Variants in ARFGEF2 observed in about 807,000 individuals in gnomAD.
ARFGEF2 encodes ARF guanine nucleotide exchange factor 2.
Under a neutral mutation model 219.9 loss-of-function variants are expected in ARFGEF2, and 74 were observed. The observed-to-expected ratio is 0.34, with a 90% CI of 0.28 to 0.41. The LOEUF (loss-of-function observed/expected upper bound fraction) is 0.41. ARFGEF2 is among the 10% of genes least tolerant of loss of function. The pLI is 1.00. For synonymous variants in ARFGEF2, 733 were observed against 799.2 expected (o/e 0.92, Z 1.40); for missense variants, 1,743 against 2,218.3 (o/e 0.79, Z 4.30).
chr20:48,976,375 G>T (rs187206115), intron 14 of ARFGEF2, among the ~76,000 whole-genome samples, 176 bp downstream of exon 14: 85 of 152,304 alleles, frequency 5.6e-4, no homozygotes, highest in African/African-American at 2.0e-3. Context: ...GTGTGTCTGT[G>T]CACACAGAGA....
chr20:48,957,086 C>T (rs1293210939), intron 6 of ARFGEF2, among the ~76,000 whole-genome samples: 2 of 152,164 alleles, frequency 1.3e-5, no homozygotes. Context: ...TGACTTCTAT[C>T]CTTAGGGTCA....
rs766967665 is a variant in ARFGEF2, at chr20:48,921,973, G to A, written c.84G>A (p.Gln28=). Residue 28 remains glutamine (Q), a synonymous_variant, in exon 1 of 39, where the codon CAG becomes CAA. Coordinates refer to ENST00000371917, the MANE Select transcript of ARFGEF2 (RefSeq NM_006420.3). ...ILADKEVKRP[Q]HSQLRRACQV... ...CCGACAAGGAGGTGAAGCGGCCCCA[G>A]CACTCCCAGCTGCGCAGGGCCTGCC... 2.5e-6 allele frequency: 4 copies of A among 1,577,624 alleles called. No homozygotes were observed. Among genetic ancestry groups the A allele is most frequent in the African/African-American group, 2.7e-5 (2 of 74,130 alleles).
chr20:48,977,976 G>A (rs540924769), intron 14 of ARFGEF2, among the ~76,000 whole-genome samples: 1 of 152,124 alleles, frequency 6.6e-6, no homozygotes, highest in African/African-American at 2.4e-5. Flanking sequence ...AAGCTCTTTC[G>A]TTTAATTAGA....
At position 48,965,880 on chromosome 20, in the gene ARFGEF2, G is replaced by A. The variant is rs1364963057; in HGVS notation, c.916G>A (p.Glu306Lys). 6 of 1,614,192 alleles carry A rather than the reference G, an allele frequency of 3.7e-6. No homozygotes were observed. In the Admixed American group the frequency reaches 1.0e-4, roughly 27 times the overall value. The stretch of plus-strand genomic sequence containing the variant: ...TGTACTTGTGTTTTAAGAAGCAGCG[G>A]AAAAGCATGGTCTGACAGAACCTGA... ...VVTSAIKEAA[E>K]KHGLTEPERV... The change falls in exon 8 of 39, where the codon GAA becomes AAA. Residue 306 changes from glutamate to lysine, a missense_variant. Glu to Lys is a moderately conservative substitution (Grantham distance 56). Coordinates refer to ENST00000371917, the MANE Select transcript of ARFGEF2 (RefSeq NM_006420.3).
intron 25 of ARFGEF2, among the ~76,000 whole-genome samples, chr20:49,004,335 TAAAAG>T (rs756193317): frequency 3.3e-5 from 5 of 151,746 alleles, no homozygotes; most frequent in Non-Finnish European, 5.9e-5. Flanking sequence ...GACTTTATCT[TAAAAG>T]AAACAAGAAA....
chr20:49,024,920 C>T (rs1259889887), intron 35 of ARFGEF2, among the ~76,000 whole-genome samples: 4 of 152,122 alleles, frequency 2.6e-5, no homozygotes, highest in South Asian at 2.1e-4. Flanking sequence ...CACTTGAACC[C>T]GGGAGGCGGA....
Position 49,035,222 on chromosome 20 carries a change from C to T in ARFGEF2, c.*2023C>T, listed in dbSNP as rs1464324739. On this transcript the variant is annotated 3_prime_UTR_variant, in exon 39 of 39. Transcript: ENST00000371917. ...TCCTTTCCTTCTGAGGTTCTCATGT[C>T]ATTTTCTTCATCGGATGTGACTAAA... The T allele has an allele frequency of 6.6e-6, 1 of 152,168 alleles. No homozygotes were observed. The highest frequency in any genetic ancestry group is 2.4e-5 in the African/African-American group (1 of 41,436). The allele number at this position is 152,168 out of a possible 1,614,324, so 9.4% of individuals were successfully genotyped here.
chr20:49,027,588 C>T (rs1381054866), intron 36 of ARFGEF2, among the ~76,000 whole-genome samples: 1 of 151,848 alleles, frequency 6.6e-6, no homozygotes, highest in African/African-American at 2.4e-5. Context: ...CCCAGCTACG[C>T]AGGAGGCTGA....
chr20:49,018,992 T>C lies in ARFGEF2; in HGVS notation c.4618T>C (p.Tyr1540His). The C allele has an allele frequency of 6.2e-7, 1 of 1,613,492 alleles. No homozygotes were observed. The highest frequency in any genetic ancestry group is 8.5e-7 in the Non-Finnish European group (1 of 1,179,496). Residue 1540 changes from tyrosine (Y) to histidine (H), a missense_variant, in exon 34 of 39, where the codon TAC (tyrosine) becomes CAC (histidine). Around this residue, in one of 5 missense-constraint regions of ARFGEF2, gnomAD observed 578 missense variants for 664.0 expected, o/e 0.87. Coordinates refer to ENST00000371917, the MANE Select transcript of ARFGEF2 (RefSeq NM_006420.3). ...PTDDSWKGRP[Y>H]ANQKLFASLL... ...AGATGACAGCTGGAAGGGTAGACCA[T>C]ACGCAAGTAAGGCCACTTTTTAATT...
chr20:49,025,318 C>T lies in ARFGEF2; in HGVS notation c.4761C>T (p.Asp1587=). 1 of 1,610,256 alleles carries T rather than the reference C, an allele frequency of 6.2e-7. No individual in the cohort carries two copies. Among genetic ancestry groups the T allele is most frequent in the Non-Finnish European group, 8.5e-7 (1 of 1,178,042 alleles). Residue 1587 remains aspartate, a synonymous_variant, in exon 36 of 39, where the codon GAC becomes GAT. Coordinates refer to ENST00000371917, the MANE Select transcript of ARFGEF2 (RefSeq NM_006420.3). ...DAEHMVAAQQ[D]TLDADIHIET... ...TCCTCTGTCCTGTCCTCTAGCAAGACACGCTGGATGCAGATATCCACATAG... is the reference window on the plus strand; with the variant it reads ...TCCTCTGTCCTGTCCTCTAGCAAGATACGCTGGATGCAGATATCCACATAG...
At position 49,016,296 on chromosome 20, in the gene ARFGEF2, C is replaced by T. The variant is rs1435867959; in HGVS notation, c.4196C>T (p.Thr1399Ile). The change falls in exon 31 of 39, where the codon ACA (threonine) becomes ATA (isoleucine). Residue 1399 changes from threonine (T) to isoleucine (I), a missense_variant. Thr to Ile is a moderately conservative substitution (Grantham distance 89, BLOSUM62 -1). Coordinates refer to ENST00000371917, the MANE Select transcript of ARFGEF2 (RefSeq NM_006420.3). ...TTTTCCCAGAAATCTGAGTGGATGA[C>T]AACAACCTGCAATCACGCACTTTAT... ...EQLSEKSEWM[T>I]TTCNHALYAI... 6.2e-7 allele frequency: 1 copy of T among 1,613,880 alleles called. No individual in the cohort carries two copies. The highest frequency in any genetic ancestry group is 1.3e-5 in the African/African-American group (1 of 74,912).
At chr20:48,999,333 ACTT>A (rs1427908915) in intron 25 of ARFGEF2, 8 of 393,496 alleles carry the variant, frequency 2.0e-5, no homozygotes, top group Admixed American at 1.3e-4. Flanking sequence ...ACCAGACTGA[ACTT>A]CTTCCTCGTT....
intron 28 of ARFGEF2, 110 bp downstream of exon 28, chr20:49,012,194 T>C: frequency 6.9e-7 from 1 of 1,447,642 alleles, no homozygotes. Context: ...GAAATGTGTG[T>C]TTGCCCTAAA....
At chr20:48,977,873 A>G (rs200960213) in intron 14 of ARFGEF2, among the ~76,000 whole-genome samples, 1 of 152,130 alleles carries the variant, frequency 6.6e-6, no homozygotes, top group African/African-American at 2.4e-5. Context: ...GATTCTGGAT[A>G]TTAGCCCTTT....
chr20:48,942,033 C>T (rs895467117), intron 3 of ARFGEF2, 46 bp downstream of exon 3: 2 of 1,612,024 alleles, frequency 1.2e-6, no homozygotes, highest in African/African-American at 1.3e-5. Flanking sequence ...CTCTCCAAGC[C>T]ACAGTTGGTC....
intron 1 of ARFGEF2, among the ~76,000 whole-genome samples, chr20:48,938,226 A>G (rs560667656): frequency 6.6e-6 from 1 of 152,250 alleles, no homozygotes; most frequent in South Asian, 2.1e-4. Flanking sequence ...GCTGGACAAC[A>G]TTTCGCTTAT....
Position 48,941,212 on chromosome 20 carries a change from A to G in ARFGEF2, c.135A>G (p.Ala45=). ...ACQVALDEIK[A]EIEKQRLGTA... ...CTTCCTTACCAGATGAAATTAAAGCAGAAATAGAAAAGCAGAGGTAAGCTA... is the reference window on the plus strand; with the variant it reads ...CTTCCTTACCAGATGAAATTAAAGCGGAAATAGAAAAGCAGAGGTAAGCTA... The change falls in exon 2 of 39, where the codon GCA becomes GCG. Residue 45 remains alanine, a synonymous_variant. Transcript: ENST00000371917. 6.2e-7 allele frequency: 1 copy of G among 1,613,538 alleles called. No homozygotes were observed. Among genetic ancestry groups the G allele is most frequent in the Non-Finnish European group, 8.5e-7 (1 of 1,179,636 alleles).
At chr20:48,972,978 T>G (rs2091237653) in intron 11 of ARFGEF2, among the ~76,000 whole-genome samples, 167 bp from the exon 12 acceptor site, 1 of 152,156 alleles carries the variant, frequency 6.6e-6, no homozygotes, top group Non-Finnish European at 1.5e-5. Context: ...AAAAACAACC[T>G]CCTGTCTTCC....
chr20:49,007,621 A>G (rs1460512907), intron 26 of ARFGEF2, among the ~76,000 whole-genome samples: 1 of 148,824 alleles, frequency 6.7e-6, no homozygotes, highest in African/African-American at 2.5e-5. Context: ...TTTTTTAAGA[A>G]AATGGGAGCT....
Sources: gnomAD v4.1 joint callset for allele counts (sites outside exome capture counted in the v4.1 genomes callset) on GRCh38, gnomAD v4.1.1 for gene constraint, gnomAD v4.1.1 regional missense constraint, MANE v1.5 for transcripts, NCBI Gene and HGNC (gene_info 2026-07-23, HGNC 2026-07-21) for gene names.